The following PUM1 variants were observed in gnomAD, a reference collection of about 807,000 sequenced individuals.
PUM1 encodes the protein pumilio RNA binding family member 1, also known as pumilio homolog 1.
In PUM1, 13 loss-of-function variants were observed where a neutral mutation model predicts 131.8. The observed-to-expected ratio is 0.10, with a 90% CI of 0.06 to 0.16. The LOEUF (loss-of-function observed/expected upper bound fraction) is 0.16. Among genes scored for constraint, PUM1 ranks in the 10% least tolerant of loss-of-function variants. The probability of loss-of-function intolerance (pLI) is 1.00; values close to 1 mark genes in which losing one functional copy is unlikely to be tolerated. For synonymous variants in PUM1, 509 were observed against 556.5 expected (o/e 0.91, Z 1.20); for missense variants, 961 against 1,512.4 (o/e 0.64, Z 6.05).
At chr1:31,035,903 G>C (rs1301176898) in intron 2 of PUM1, among the ~76,000 whole-genome samples, 1 of 152,122 alleles carries the variant, frequency 6.6e-6, no homozygotes, top group Non-Finnish European at 1.5e-5. Context: ...ATGATGTTAT[G>C]AATGAATGTT....
intron 20 of PUM1, among the ~76,000 whole-genome samples, chr1:30,937,396 C>G (rs551634170): frequency 6.6e-6 from 1 of 152,234 alleles, no homozygotes; most frequent in South Asian, 2.1e-4. Flanking sequence ...ATCCCAGCTA[C>G]TTGGGAGGTT....
At chr1:30,950,766 C>A (rs991565890) in intron 16 of PUM1, among the ~76,000 whole-genome samples, 4 of 152,146 alleles carry the variant, frequency 2.6e-5, no homozygotes, top group African/African-American at 4.8e-5. Context: ...GAGGCTGAGG[C>A]AGGAGAATCG....
At chr1:30,964,461 T>C (rs1570145612) in intron 14 of PUM1, among the ~76,000 whole-genome samples, 1 of 152,172 alleles carries the variant, frequency 6.6e-6, no homozygotes, top group Non-Finnish European at 1.5e-5. Context: ...TAACTGAATA[T>C]ACAGGGAATG....
chr1:31,046,982 G>A (rs527928380), intron 2 of PUM1, among the ~76,000 whole-genome samples: 1 of 152,086 alleles, frequency 6.6e-6, no homozygotes, highest in South Asian at 2.1e-4. Flanking sequence ...ATAAGGTCAG[G>A]AGTTCAAAAA....
At chr1:31,046,640 T>C (rs1022595027) in intron 2 of PUM1, among the ~76,000 whole-genome samples, 3 of 151,560 alleles carry the variant, frequency 2.0e-5, no homozygotes, top group African/African-American at 7.3e-5. Context: ...CCTAAGTAGC[T>C]GGGATTACAG....
At chr1:31,049,823 C>CT (rs773718125) in intron 2 of PUM1, among the ~76,000 whole-genome samples, 24,422 of 80,050 alleles carry the variant, frequency 0.31, 5,213 homozygotes, top group Non-Finnish European at 0.35. Flanking sequence ...ACTGAACTTC[C>CT]TTTTTTTTTT....
intron 7 of PUM1, among the ~76,000 whole-genome samples, chr1:30,983,978 T>C (rs1046074877): frequency 1.3e-5 from 2 of 152,200 alleles, no homozygotes; most frequent in Non-Finnish European, 2.9e-5. Flanking sequence ...CGGAAATACA[T>C]GGCATGTGGG....
chr1:31,054,163 C>CA (rs916189086), intron 2 of PUM1, among the ~76,000 whole-genome samples: 4 of 132,104 alleles, frequency 3.0e-5, no homozygotes, highest in East Asian at 2.3e-4. Context: ...TCCACCTCTA[C>CA]AAAAAATACA....
chr1:30,941,134 T>TAACTCAAAGCACGTACCTTGC lies in PUM1; in HGVS notation c.3238_3242+16dup. On this transcript the variant is annotated intron_variant, in intron 20 of 21. Coordinates refer to ENST00000426105, the MANE Select transcript of PUM1 (RefSeq NM_001020658.2). ...CCTCTCTTCTGGGAAATAGTCCTTG[T>TAACTCAAAGCACGTACCTTGC]AACTCAAAGCACGTACCTTGCAAAT... The TAACTCAAAGCACGTACCTTGC allele has an allele frequency of 1.9e-6, 3 of 1,606,612 alleles. No individual in the cohort carries two copies. Among genetic ancestry groups the TAACTCAAAGCACGTACCTTGC allele is most frequent in the Non-Finnish European group, 2.6e-6 (3 of 1,174,806 alleles).
intron 21 of PUM1, among the ~76,000 whole-genome samples, chr1:30,934,534 T>C (rs1639116793): frequency 6.6e-6 from 1 of 152,196 alleles, no homozygotes; most frequent in Non-Finnish European, 1.5e-5. Flanking sequence ...ATTCCCACTT[T>C]GGAGCCTACA....
chr1:30,936,580 T>A, intron 21 of PUM1, 63 bp downstream of exon 21: 2 of 1,460,978 alleles, frequency 1.4e-6, no homozygotes, highest in East Asian at 4.7e-5. Context: ...CCCTCCTTTG[T>A]GTTTCAGAAA....
chr1:30,981,901 C>T (rs1302888541), intron 7 of PUM1: 2 of 152,210 alleles, frequency 1.3e-5, no homozygotes, highest in Non-Finnish European at 2.9e-5. Context: ...CCACAAATAA[C>T]TGAATTAATC....
chr1:30,992,872 C>T (rs922025674), intron 6 of PUM1, among the ~76,000 whole-genome samples: 32 of 152,162 alleles, frequency 2.1e-4, no homozygotes, highest in African/African-American at 7.7e-4. Context: ...TAACTCACCC[C>T]TTAAATTCAC....
chr1:30,981,676 T>A (rs1485614735), intron 7 of PUM1, among the ~76,000 whole-genome samples: 2 of 63,206 alleles, frequency 3.2e-5, no homozygotes, highest in Non-Finnish European at 5.7e-5. Flanking sequence ...AAATACACAC[T>A]CTCTCACACA....
chr1:30,967,416 G>T, intron 11 of PUM1, 106 bp from the exon 12 acceptor site: 1 of 1,163,412 alleles, frequency 8.6e-7, no homozygotes, highest in Non-Finnish European at 1.2e-6. Flanking sequence ...AGGTTGAATT[G>T]GCCAGATTTA....
At position 31,059,592 on chromosome 1, in the gene PUM1, G is replaced by A; in HGVS notation, c.-11-15C>T. 6.4e-7 allele frequency: 1 copy of A among 1,556,722 alleles called. No individual in the cohort carries two copies. The highest frequency in any genetic ancestry group is 8.7e-7 in the Non-Finnish European group (1 of 1,153,406). On this transcript the variant is annotated splice_polypyrimidine_tract_variant and intron_variant, in intron 1 of 21. Coordinates refer to ENST00000426105, the MANE Select transcript of PUM1 (RefSeq NM_001020658.2). The stretch of plus-strand genomic sequence containing the variant: ...TCCACCAACACCTAAGGACAAACAG[G>A]TTACAAATATTTAATATTTCCATCT...
intron 5 of PUM1, among the ~76,000 whole-genome samples, chr1:31,000,826 A>G (rs1255545624): frequency 6.6e-6 from 1 of 152,214 alleles, no homozygotes; most frequent in African/African-American, 2.4e-5. Flanking sequence ...TAAAACTGAA[A>G]TGTCTGATTC....
chr1:30,995,272 G>A (rs781344570), intron 5 of PUM1, 52 bp from the exon 6 acceptor site: 10 of 1,598,250 alleles, frequency 6.3e-6, no homozygotes, highest in South Asian at 5.6e-5. Flanking sequence ...TAATAATAAC[G>A]GGCAACCGTT....
At chr1:31,015,666 C>CT (rs1054580489) in intron 3 of PUM1, among the ~76,000 whole-genome samples, 3 of 141,236 alleles carry the variant, frequency 2.1e-5, no homozygotes, top group South Asian at 2.3e-4. Flanking sequence ...ATTTATTTTT[C>CT]TTTTTTTTTC....
Sources: allele counts gnomAD v4.1 joint callset (sites outside exome capture counted in the v4.1 genomes callset), GRCh38; gene constraint gnomAD v4.1.1; transcripts MANE v1.5; gene names NCBI Gene and HGNC (gene_info 2026-07-23, HGNC 2026-07-21).